The following TRPM2 variants were observed in gnomAD, a reference collection of about 807,000 sequenced individuals.
TRPM2 encodes transient receptor potential cation channel subfamily M member 2.
A neutral mutation model predicts 174.0 loss-of-function variants in TRPM2; 161 were observed. The observed-to-expected ratio is 0.93, with a 90% CI of 0.81 to 1.05. TRPM2 has a LOEUF of 1.05. TRPM2 is among the 50% of genes least tolerant of loss of function. TRPM2 has a pLI of 0.00. For missense variants in TRPM2, 2,057 were observed against 2,038.0 expected (o/e 1.01, Z -0.18); for synonymous variants, 954 against 861.3 (o/e 1.11, Z -1.88).
chr21:44,440,527 C>T (rs2051460347), intron 30 of TRPM2, among the ~76,000 whole-genome samples: 1 of 152,212 alleles, frequency 6.6e-6, no homozygotes, highest in South Asian at 2.1e-4. Context: ...TTGAAACTGT[C>T]TTCCTTCACT....
In TRPM2 at chr21:44,406,775, G is replaced by A. The variant is rs1486691857; in HGVS notation, c.2962+10G>A. 8.2e-6 allele frequency: 13 copies of A among 1,592,488 alleles called. No homozygotes were observed. Among genetic ancestry groups the A allele is most frequent in the African/African-American group, 1.3e-5 (1 of 74,514 alleles). ...CCGGGCTACATCGACGGTAGGAGCC[G>A]GGCGCCATGGGAGCTCGGGTGGTGC... On this transcript the variant is annotated intron_variant, in intron 19 of 31. Transcript: ENST00000397928.
chr21:44,382,912 G>A, intron 9 of TRPM2, 92 bp downstream of exon 9: 5 of 1,301,182 alleles, frequency 3.8e-6, no homozygotes, highest in Non-Finnish European at 5.4e-6. Context: ...CCATGATTCT[G>A]GGAACCAGAA....
intron 31 of TRPM2, among the ~76,000 whole-genome samples, chr21:44,441,336 C>A (rs926166764): frequency 6.6e-6 from 1 of 152,192 alleles, no homozygotes; most frequent in Non-Finnish European, 1.5e-5. Context: ...GCCCCCTCAG[C>A]CCCCGGCTGC....
chr21:44,419,731 G>GTGA (rs2050461751), intron 22 of TRPM2, among the ~76,000 whole-genome samples: 2 of 151,460 alleles, frequency 1.3e-5, no homozygotes, highest in African/African-American at 4.8e-5. Context: ...GATGGTAGTG[G>GTGA]TGGTGATGTT....
In TRPM2 at chr21:44,414,006, C is replaced by T. The variant is rs1488892678; in HGVS notation, c.3078C>T (p.Val1026=). Residue 1026 remains valine (V), a synonymous_variant, in exon 20 of 32, where the codon GTC becomes GTT. Transcript: ENST00000397928. The stretch of plus-strand genomic sequence containing the variant: ...CGGCCTTCCCTGAGTGGCTGACGGT[C>T]CTCCTACTCTGCCTCTACCTGCTCT... ...QRPAFPEWLT[V]LLLCLYLLFT... The T allele has an allele frequency of 2.5e-6, 4 of 1,613,858 alleles. No homozygotes were observed. Among genetic ancestry groups the T allele is most frequent in the Admixed American group, 1.7e-5 (1 of 60,030 alleles).
rs758131176 is a variant in TRPM2 at position 44,391,545 on chromosome 21, T to C, written c.1714T>C (p.Phe572Leu). 2.5e-6 allele frequency: 4 copies of C among 1,601,788 alleles called. No individual in the cohort carries two copies. Among genetic ancestry groups the C allele is most frequent in the East Asian group, 2.2e-5 (1 of 44,762 alleles). Residue 572 changes from phenylalanine (F) to leucine (L), a missense_variant, in exon 11 of 32, where the codon TTC (phenylalanine) becomes CTC (leucine). Transcript: ENST00000397928. The surrounding 1 kb of genome is among the most constrained non-coding windows in gnomAD (Gnocchi z 5.0). The part of the protein sequence containing the change: ...AQVLRELLGD[F>L]TQPLYPRPRH... Reference sequence around the variant, plus strand: ...GGTGCTGCGGGAGCTGCTGGGGGACTTCACGCAGCCGCTTTATCCCCGGCC... The same window carrying C: ...GGTGCTGCGGGAGCTGCTGGGGGACCTCACGCAGCCGCTTTATCCCCGGCC...
intron 20 of TRPM2, 70 bp from the exon 21 acceptor site, chr21:44,417,857 C>G: frequency 6.6e-7 from 1 of 1,510,746 alleles, no homozygotes; most frequent in Non-Finnish European, 9.0e-7. Flanking sequence ...AGTGGGCACG[C>G]AGGCGGTGAG....
rs550994050 is a variant in TRPM2, at chr21:44,376,777, A to G, written c.952+764A>G. 6.6e-6 allele frequency among the ~76,000 whole-genome samples: 1 copy of G among 152,288 alleles called. No homozygotes were observed. Among genetic ancestry groups the G allele is most frequent in the South Asian group, 2.1e-4 (1 of 4,828 alleles). The stretch of plus-strand genomic sequence containing the variant: ...GGCTGGGTGGGCTGGGGTCCCTTGC[A>G]GGGTTCCTTGTGCATCGAACTCCCC... On this transcript the variant is annotated intron_variant, in intron 6 of 31. Transcript: ENST00000397928. This position sits in a 1 kb window ranked among gnomAD's most constrained non-coding sequence, Gnocchi z 4.2.
At chr21:44,377,296 A>G (rs2048733957) in intron 6 of TRPM2, among the ~76,000 whole-genome samples, 2 of 152,150 alleles carry the variant, frequency 1.3e-5, no homozygotes, top group South Asian at 4.1e-4. Context: ...TGCTGCTCGC[A>G]TCCACGCGTG....
intron 13 of TRPM2, among the ~76,000 whole-genome samples, chr21:44,398,874 T>C (rs929071358): frequency 6.6e-6 from 1 of 152,216 alleles, no homozygotes; most frequent in South Asian, 2.1e-4. Context: ...TTGTTAGTCT[T>C]ACAAACGCAG....
intron 11 of TRPM2, among the ~76,000 whole-genome samples, chr21:44,392,015 A>G (rs1268822695): frequency 6.6e-6 from 1 of 151,984 alleles, no homozygotes; most frequent in African/African-American, 2.4e-5. Flanking sequence ...TCCAGGCTGG[A>G]GTGCAGTGGC....
chr21:44,356,997 T>A (rs958595418), intron 2 of TRPM2, among the ~76,000 whole-genome samples: 2 of 152,072 alleles, frequency 1.3e-5, no homozygotes, highest in African/African-American at 4.8e-5. Context: ...CGTCGCCATC[T>A]TGGTTTTGGT....
intron 22 of TRPM2, among the ~76,000 whole-genome samples, chr21:44,421,761 A>T (rs556503645): frequency 6.6e-6 from 1 of 152,236 alleles, no homozygotes; most frequent in East Asian, 1.9e-4. Context: ...AAATAAAAAA[A>T]CAACAACAAA....
chr21:44,381,710 C>A (rs2048883939), intron 8 of TRPM2, among the ~76,000 whole-genome samples: 1 of 151,954 alleles, frequency 6.6e-6, no homozygotes, highest in Non-Finnish European at 1.5e-5. Flanking sequence ...AGTTTGAGAC[C>A]AGCCTGGCCA....
In TRPM2 at chr21:44,438,323, A is replaced by C. The variant is rs8128434; in HGVS notation, c.4168-744A>C. Among the ~76,000 whole-genome samples, 1 of 152,118 alleles carries C rather than the reference A, an allele frequency of 6.6e-6. No individual in the cohort carries two copies. Among genetic ancestry groups the C allele is most frequent in the Non-Finnish European group, 1.5e-5 (1 of 68,012 alleles). ...TGGCCTCTCCATGCGGGGTGCGTGG[A>C]GTTGGGTTTGGGGGTCCCACTCACT... is the stretch of plus-strand genomic sequence containing the variant. On this transcript the variant is annotated intron_variant, in intron 29 of 31. Transcript: ENST00000397928. The surrounding 1 kb of genome is among the most constrained non-coding windows in gnomAD (Gnocchi z 5.9).
intron 2 of TRPM2, among the ~76,000 whole-genome samples, chr21:44,362,250 A>G (rs1602127804): frequency 1.3e-5 from 2 of 151,576 alleles, no homozygotes; most frequent in African/African-American, 2.4e-5. Flanking sequence ...TAAGCCTGTA[A>G]TCCCAGCACT....
chr21:44,356,573 C>T (rs1346929990), intron 2 of TRPM2, among the ~76,000 whole-genome samples: 1 of 150,370 alleles, frequency 6.7e-6, no homozygotes. Context: ...GCTCTGTCGC[C>T]CAGGCTGGAG....
At chr21:44,365,403 C>G (rs1209554214) in intron 3 of TRPM2, among the ~76,000 whole-genome samples, 23 of 152,212 alleles carry the variant, frequency 1.5e-4, no homozygotes. Flanking sequence ...TGGGGCAGGT[C>G]CCGGAGACGG....
At position 44,391,968 on chromosome 21, in the gene TRPM2, AT is replaced by A. The variant is rs1002366595; in HGVS notation, c.1794+349del. On this transcript the variant is annotated intron_variant, in intron 11 of 31. Transcript: ENST00000397928. This position sits in a 1 kb window ranked among gnomAD's most constrained non-coding sequence, Gnocchi z 5.0. ...ACTTCCTCTTCTTTTTCTTTTATTT[AT>A]TTTTTATTTTTTTGAGACAGGGTCT... Among the ~76,000 whole-genome samples, 3 of 151,610 alleles carry A rather than the reference AT, an allele frequency of 2.0e-5. No homozygotes were observed. The highest frequency in any genetic ancestry group is 6.6e-5 in the Admixed American group (1 of 15,214).
Sources: allele counts gnomAD v4.1 joint callset (sites outside exome capture counted in the v4.1 genomes callset), GRCh38; gene constraint gnomAD v4.1.1; non-coding constraint Gnocchi (gnomAD v3.1); transcripts MANE v1.5; gene names NCBI Gene and HGNC (gene_info 2026-07-23, HGNC 2026-07-21).